MTMR7: variants seen among roughly 807,000 people sequenced by gnomAD.
MTMR7 encodes phosphatidylinositol-3-phosphate phosphatase MTMR7.
A neutral mutation model predicts 81.2 loss-of-function variants in MTMR7; 76 were observed. The ratio of observed to expected loss-of-function variants is 0.94; its 90% CI spans 0.78 to 1.13. MTMR7 has a LOEUF of 1.13. Among genes scored for constraint, MTMR7 ranks in the 50% most tolerant of loss-of-function variants. The pLI is 0.00. For synonymous variants in MTMR7, 372 were observed against 289.8 expected (o/e 1.28, Z -2.88); for missense variants, 1,044 against 820.0 (o/e 1.27, Z -3.34).
chr8:17,381,869 C>G (rs1401498124), intron 1 of MTMR7, among the ~76,000 whole-genome samples: 1 of 152,318 alleles, frequency 6.6e-6, no homozygotes, highest in African/African-American at 2.4e-5. Flanking sequence ...ATTTGTGAGT[C>G]AAGAGGCCTG....
chr8:17,299,740 C>A lies in MTMR7; in HGVS notation c.*122G>T. The A allele has an allele frequency of 1.5e-6, 2 of 1,376,844 alleles. No individual in the cohort carries two copies. The highest frequency in any genetic ancestry group is 2.3e-5 in the Admixed American group (1 of 43,042). 85.3% of individuals were successfully genotyped at this position (1,376,844 alleles called of 1,614,324 possible). A position where few individuals can be genotyped will look rare whatever the true frequency, so the allele number is the denominator to read the frequency against. On this transcript the variant is annotated 3_prime_UTR_variant, in exon 14 of 14. Coordinates refer to ENST00000180173, the MANE Select transcript of MTMR7 (RefSeq NM_004686.5). ...TGGGCACTTTTTTCCCTTTTCATAGCTGCATTAAAGTAGTTCTCAATGACA... is the reference window on the plus strand; with the variant it reads ...TGGGCACTTTTTTCCCTTTTCATAGATGCATTAAAGTAGTTCTCAATGACA...
chr8:17,332,979 C>T (rs959904732), intron 6 of MTMR7, among the ~76,000 whole-genome samples: 1 of 151,772 alleles, frequency 6.6e-6, no homozygotes, highest in African/African-American at 2.4e-5. Context: ...TCATTGATAC[C>T]GAGAGCATAT....
At chr8:17,347,829 G>C (rs1237112677) in intron 5 of MTMR7, among the ~76,000 whole-genome samples, 1 of 146,182 alleles carries the variant, frequency 6.8e-6, no homozygotes, top group Non-Finnish European at 1.5e-5. Context: ...TCTGATGAAA[G>C]GGAGGTGTCA....
chr8:17,319,357 T>C (rs1263699106), intron 7 of MTMR7, among the ~76,000 whole-genome samples: 1 of 152,188 alleles, frequency 6.6e-6, no homozygotes, highest in African/African-American at 2.4e-5. Flanking sequence ...ATGATACACA[T>C]TGTATTATCT....
At chr8:17,332,435 G>C (rs1819051600) in intron 6 of MTMR7, among the ~76,000 whole-genome samples, 1 of 152,094 alleles carries the variant, frequency 6.6e-6, no homozygotes, top group Non-Finnish European at 1.5e-5. Context: ...ACAATGACAG[G>C]ATACACAATG....
At chr8:17,366,256 G>A (rs758525235) in intron 3 of MTMR7, among the ~76,000 whole-genome samples, 1 of 152,130 alleles carries the variant, frequency 6.6e-6, no homozygotes, top group Non-Finnish European at 1.5e-5. Context: ...AAACATTAGG[G>A]AAGGAAGGAA....
chr8:17,323,114 A>T (rs1027037178), intron 7 of MTMR7, among the ~76,000 whole-genome samples: 29 of 151,612 alleles, frequency 1.9e-4, no homozygotes, highest in Non-Finnish European at 4.0e-4. Flanking sequence ...CGCCCAGCTA[A>T]TTTTTGTATT....
At chr8:17,321,066 C>T (rs1047496663) in intron 7 of MTMR7, among the ~76,000 whole-genome samples, 8 of 152,128 alleles carry the variant, frequency 5.3e-5, no homozygotes, top group Middle Eastern at 3.2e-3. Context: ...TTAGCATTCT[C>T]GTTGATTATA....
At chr8:17,387,794 C>A (rs2150575972) in intron 1 of MTMR7, among the ~76,000 whole-genome samples, 1 of 152,018 alleles carries the variant, frequency 6.6e-6, no homozygotes, top group East Asian at 1.9e-4. Flanking sequence ...AATAAATCAC[C>A]CAAACTTCCT....
chr8:17,377,585 G>A (rs59526160), intron 1 of MTMR7, among the ~76,000 whole-genome samples: 5,207 of 143,246 alleles, frequency 0.036, 234 homozygotes, highest in African/African-American at 0.12. Flanking sequence ...TGTGGTTTTT[G>A]TCTGTCTGTT....
chr8:17,365,744 G>C (rs1010541264), intron 3 of MTMR7, among the ~76,000 whole-genome samples: 1 of 152,084 alleles, frequency 6.6e-6, no homozygotes, highest in Non-Finnish European at 1.5e-5. Context: ...TGGAAATCTT[G>C]GTATTTACAG....
intron 1 of MTMR7, among the ~76,000 whole-genome samples, chr8:17,409,208 C>G (rs1340340683): frequency 2.0e-5 from 3 of 152,124 alleles, no homozygotes; most frequent in Admixed American, 6.5e-5. Context: ...CCTGCAATCC[C>G]AGCACTTTGG....
chr8:17,383,710 T>C (rs949348036), intron 1 of MTMR7, among the ~76,000 whole-genome samples: 14 of 152,136 alleles, frequency 9.2e-5, no homozygotes, highest in African/African-American at 3.1e-4. Context: ...ACAGACCAGC[T>C]TGGCTGGCCA....
chr8:17,341,918 C>A (rs1819418068), intron 5 of MTMR7, among the ~76,000 whole-genome samples: 1 of 140,158 alleles, frequency 7.1e-6, no homozygotes, highest in South Asian at 2.1e-4. Flanking sequence ...TGCTTTCCAA[C>A]CTTTTTTTTT....
intron 5 of MTMR7, among the ~76,000 whole-genome samples, chr8:17,343,049 G>C (rs1431098300): frequency 1.3e-5 from 2 of 152,048 alleles, no homozygotes; most frequent in African/African-American, 4.8e-5. Flanking sequence ...AAGGGGTCAG[G>C]GTCTGCCACC....
At chr8:17,391,900 G>A (rs73211113) in intron 1 of MTMR7, among the ~76,000 whole-genome samples, 7,507 of 152,260 alleles carry the variant, frequency 0.049, 277 homozygotes, top group Non-Finnish European at 0.076. Flanking sequence ...AGGAAGGGTT[G>A]GGTTTATGTC....
At chr8:17,306,745 G>C (rs995691439) in intron 10 of MTMR7, among the ~76,000 whole-genome samples, 1 of 152,158 alleles carries the variant, frequency 6.6e-6, no homozygotes, top group African/African-American at 2.4e-5. Flanking sequence ...TTTCCCAAGA[G>C]TGGGAACATT....
chr8:17,360,639 T>C (rs1053418636), intron 4 of MTMR7, among the ~76,000 whole-genome samples: 4 of 152,082 alleles, frequency 2.6e-5, no homozygotes, highest in Admixed American at 6.6e-5. Flanking sequence ...CCTCTCCATA[T>C]TCCTTCCTGT....
chr8:17,302,359 T>TATG, intron 12 of MTMR7, 79 bp from the exon 13 acceptor site: 1 of 1,433,698 alleles, frequency 7.0e-7, no homozygotes, highest in Non-Finnish European at 9.4e-7. Context: ...CTAAGGTATC[T>TATG]ATGATACCAC....
Sources: gnomAD v4.1 joint callset for allele counts (sites outside exome capture counted in the v4.1 genomes callset) on GRCh38, gnomAD v4.1.1 for gene constraint, MANE v1.5 for transcripts, NCBI Gene and HGNC (gene_info 2026-07-23, HGNC 2026-07-21) for gene names.